Variants in SEPSECS observed in about 807,000 individuals in gnomAD.
SEPSECS encodes the protein O-phosphoseryl-tRNA(Sec) selenium transferase.
A neutral mutation model predicts 52.1 loss-of-function variants in SEPSECS; 42 were observed. The ratio of observed to expected loss-of-function variants is 0.81; its 90% CI spans 0.63 to 1.04. SEPSECS has a LOEUF of 1.04. Among genes scored for constraint, SEPSECS ranks in the 50% least tolerant of loss-of-function variants. The probability of loss-of-function intolerance (pLI) is 0.00; values close to 1 mark genes in which losing one functional copy is unlikely to be tolerated. For missense variants in SEPSECS, 590 were observed against 610.6 expected (o/e 0.97, Z 0.36); for synonymous variants, 216 against 211.4 (o/e 1.02, Z -0.19).
intron 6 of SEPSECS, among the ~76,000 whole-genome samples, chr4:25,150,412 T>C (rs1319063476): frequency 2.0e-5 from 3 of 152,226 alleles, no homozygotes; most frequent in Non-Finnish European, 4.4e-5. Context: ...TTGTCTTAAG[T>C]ACTGAGGGCA....
chr4:25,159,159 T>C, intron 1 of SEPSECS, 52 bp from the exon 2 acceptor site: 1 of 1,396,100 alleles, frequency 7.2e-7, no homozygotes, highest in Non-Finnish European at 9.7e-7. Flanking sequence ...TACCGTTCTC[T>C]AGAATACTAC....
intron 8 of SEPSECS, among the ~76,000 whole-genome samples, chr4:25,131,591 C>T (rs1728608061): frequency 6.6e-6 from 1 of 152,122 alleles, no homozygotes; most frequent in Non-Finnish European, 1.5e-5. Flanking sequence ...TTGTTAAGGC[C>T]CCATATGTAG....
chr4:25,136,202 AGGCCAAT>A (rs1324551992), intron 8 of SEPSECS, among the ~76,000 whole-genome samples: 1 of 152,218 alleles, frequency 6.6e-6, no homozygotes, highest in African/African-American at 2.4e-5. Context: ...AGTTCTGGCC[AGGCCAAT>A]CAGGCAAGAG....
chr4:25,142,496 T>G (rs541820647), intron 8 of SEPSECS, among the ~76,000 whole-genome samples: 1 of 152,366 alleles, frequency 6.6e-6, no homozygotes, highest in African/African-American at 2.4e-5. Flanking sequence ...AGTATCTTTA[T>G]CTACTGTATT....
At chr4:25,150,155 A>G (rs1057197443) in intron 6 of SEPSECS, among the ~76,000 whole-genome samples, 6 of 152,240 alleles carry the variant, frequency 3.9e-5, no homozygotes, top group African/African-American at 1.4e-4. Flanking sequence ...ATAAAAGACA[A>G]AAAATGTACT....
intron 6 of SEPSECS, among the ~76,000 whole-genome samples, chr4:25,151,239 C>G (rs1336254915): frequency 6.6e-6 from 1 of 152,116 alleles, no homozygotes; most frequent in East Asian, 1.9e-4. Flanking sequence ...CTAAAGAAAG[C>G]TACGCAACTC....
At chr4:25,160,228 G>A in intron 1 of SEPSECS, 28 bp downstream of exon 1, 1 of 1,549,078 alleles carries the variant, frequency 6.5e-7, no homozygotes, top group Non-Finnish European at 8.7e-7. Flanking sequence ...GGTCGCGGCG[G>A]CTGGGGAGGG....
rs199941660 is a variant in SEPSECS at position 25,157,033 on chromosome 4, T to C, written c.270-59A>G. ...ACATTCAGCATTCCGAGTAATACAA[T>C]GTACAAATATGCAAATGTAATAACC... On this transcript the variant is annotated intron_variant, in intron 2 of 10. Coordinates refer to ENST00000382103, the MANE Select transcript of SEPSECS (RefSeq NM_016955.4). 1,291 of 910,824 alleles carry C rather than the reference T, an allele frequency of 1.4e-3. 23 individuals carry two copies. In the South Asian group the frequency reaches 0.016, roughly 11 times the overall value. The allele number at this position is 910,824 out of a possible 1,614,324, so 56.4% of individuals were successfully genotyped here.
Position 25,156,954 on chromosome 4 carries a change from C to G in SEPSECS, c.290G>C (p.Arg97Pro). Reference protein sequence around the residue: ...RHYRFIHGIGRSGDISAVQPK... With the variant: ...RHYRFIHGIGPSGDISAVQPK... ...TTGCACAGCAGAAATATCACCGGAT[C>G]GTCCAATGCCATGAATGAACCTAAG... The change falls in exon 3 of 11, where the codon CGA becomes CCA. Residue 97 changes from arginine to proline, a missense_variant. Transcript: ENST00000382103. The G allele has an allele frequency of 6.2e-7, 1 of 1,610,810 alleles. No homozygotes were observed. Among genetic ancestry groups the G allele is most frequent in the Non-Finnish European group, 8.5e-7 (1 of 1,177,170 alleles).
chr4:25,155,454 T>C (rs998938977), intron 4 of SEPSECS, among the ~76,000 whole-genome samples: 15 of 152,204 alleles, frequency 9.9e-5, no homozygotes, highest in African/African-American at 3.6e-4. Flanking sequence ...AGTAATAACA[T>C]AGACACTGAT....
intron 5 of SEPSECS, among the ~76,000 whole-genome samples, chr4:25,153,367 GA>G (rs1448122759): frequency 1.3e-5 from 2 of 149,190 alleles, no homozygotes; most frequent in African/African-American, 4.9e-5. Flanking sequence ...ATTTTTAAAA[GA>G]AAAAAAATAA....
chr4:25,147,606 A>G (rs1712040915), intron 6 of SEPSECS, among the ~76,000 whole-genome samples: 1 of 152,158 alleles, frequency 6.6e-6, no homozygotes, highest in Non-Finnish European at 1.5e-5. Flanking sequence ...CCTAACATCC[A>G]TAATTCATGA....
intron 2 of SEPSECS, among the ~76,000 whole-genome samples, chr4:25,157,976 TA>T (rs1473963577): frequency 1.2e-4 from 18 of 152,214 alleles, no homozygotes. Flanking sequence ...CATTTTAAAT[TA>T]GACAATATTA....
intron 8 of SEPSECS, among the ~76,000 whole-genome samples, chr4:25,142,221 G>A (rs1208567289): frequency 6.6e-6 from 1 of 152,092 alleles, no homozygotes; most frequent in Admixed American, 6.5e-5. Flanking sequence ...AGGTTGCAGT[G>A]AGGCAAGATC....
At chr4:25,156,613 CAGG>C (rs1057386553) in intron 3 of SEPSECS, among the ~76,000 whole-genome samples, 1 of 138,058 alleles carries the variant, frequency 7.2e-6, no homozygotes, top group Non-Finnish European at 1.5e-5. Context: ...GAGGCTGAGG[CAGG>C]AGAATGGCGT....
At chr4:25,144,897 T>G in intron 7 of SEPSECS, 32 bp from the exon 8 acceptor site, 2 of 1,593,496 alleles carry the variant, frequency 1.3e-6, no homozygotes, top group Admixed American at 1.7e-5. Flanking sequence ...ACATTAAGAC[T>G]GTGGTGGGGG....
rs1577598026 is a variant in SEPSECS, at chr4:25,124,147, A to T, written c.1290T>A (p.Pro430=). Residue 430 remains proline, a synonymous_variant, in exon 11 of 11, where the codon CCT becomes CCA. Transcript: ENST00000382103. ...CTGATGCAGCATTGAGGTAAGCACA[A>T]GGGTAATTATTTGTATGTGACATAA... The part of the protein sequence containing the change: ...RGFMSHTNNY[P]CAYLNAASAI... The T allele has an allele frequency of 6.2e-7, 1 of 1,613,724 alleles. No individual in the cohort carries two copies.
In SEPSECS at chr4:25,120,300, G is replaced by A. The variant is rs555343690; in HGVS notation, c.*3631C>T. 6.6e-6 allele frequency: 1 copy of A among 152,208 alleles called. No individual in the cohort carries two copies. Among genetic ancestry groups the A allele is most frequent in the East Asian group, 1.9e-4 (1 of 5,180 alleles). 9.4% of individuals were successfully genotyped at this position (152,208 alleles called of 1,614,324 possible). On this transcript the variant is annotated 3_prime_UTR_variant, in exon 11 of 11. Coordinates refer to ENST00000382103, the MANE Select transcript of SEPSECS (RefSeq NM_016955.4). ...AGCTTTAACTGCAGAGTAGTGAGTA[G>A]GAAATTACAAACATATATTCATTAG... is the stretch of plus-strand genomic sequence containing the variant.
intron 4 of SEPSECS, 45 bp downstream of exon 4, chr4:25,155,992 T>C (rs1202202894): frequency 6.5e-7 from 1 of 1,530,484 alleles, no homozygotes; most frequent in Non-Finnish European, 9.0e-7. Flanking sequence ...AATCTGAATT[T>C]CATAATTATG....
Sources: allele counts gnomAD v4.1 joint callset (sites outside exome capture counted in the v4.1 genomes callset), GRCh38; gene constraint gnomAD v4.1.1; transcripts MANE v1.5; gene names NCBI Gene and HGNC (gene_info 2026-07-23, HGNC 2026-07-21).